ZMAT4: variants seen among roughly 807,000 people sequenced by gnomAD.
The protein encoded by ZMAT4 is zinc finger matrin-type 4, also known as zinc finger matrin-type protein 4.
In ZMAT4, 17 loss-of-function variants were observed where a neutral mutation model predicts 28.7. The observed-to-expected ratio is 0.59, with a 90% CI of 0.41 to 0.89. The LOEUF (loss-of-function observed/expected upper bound fraction) is 0.89. Among genes scored for constraint, ZMAT4 ranks in the 40% least tolerant of loss-of-function variants. The pLI is 0.00. For synonymous variants in ZMAT4, 117 were observed against 109.2 expected (o/e 1.07, Z -0.44); for missense variants, 240 against 283.8 (o/e 0.85, Z 1.11).
Position 40,560,632 on chromosome 8 carries a change from T to C in ZMAT4, c.674+20533A>G, listed in dbSNP as rs144990583. Among the ~76,000 whole-genome samples, 34 of 152,230 alleles carry C rather than the reference T, an allele frequency of 2.2e-4. No individual in the cohort carries two copies. The East Asian group carries it at 5.6e-3, about 25-fold the overall frequency. Reference sequence around the variant, plus strand: ...GAAGATCATGGTGGGAGGGCTGTCCTAATAGATTTGCCTGATAATATGAAT... The same window carrying C: ...GAAGATCATGGTGGGAGGGCTGTCCCAATAGATTTGCCTGATAATATGAAT... On this transcript the variant is annotated intron_variant, in intron 6 of 6. Transcript: ENST00000297737.
chr8:40,839,023 T>C (rs568041425), intron 1 of ZMAT4, among the ~76,000 whole-genome samples: 1 of 152,324 alleles, frequency 6.6e-6, no homozygotes, highest in Admixed American at 6.5e-5. Context: ...AAATGTACCC[T>C]GTACATAAAA....
intron 5 of ZMAT4, among the ~76,000 whole-genome samples, chr8:40,647,961 A>G (rs1807421777): frequency 6.6e-6 from 1 of 152,210 alleles, no homozygotes; most frequent in African/African-American, 2.4e-5. Context: ...AGATAAAACC[A>G]CAAAGATGGG....
chr8:40,763,633 G>A lies in ZMAT4; in HGVS notation c.192+4008C>T, dbSNP rs972705631. ...AAGACTAGGAATAGCATTTAGGGAA[G>A]CAGGATTTTAATCTCAGGTCTGACC... is the stretch of plus-strand genomic sequence containing the variant. On this transcript the variant is annotated intron_variant, in intron 3 of 6. Coordinates refer to ENST00000297737, the MANE Select transcript of ZMAT4 (RefSeq NM_024645.3). Among the ~76,000 whole-genome samples, 4 of 152,164 alleles carry A rather than the reference G, an allele frequency of 2.6e-5. No homozygotes were observed. The South Asian group carries it at 8.3e-4, about 32-fold the overall frequency.
chr8:40,547,151 C>T (rs143339318), intron 6 of ZMAT4, among the ~76,000 whole-genome samples: 136 of 152,302 alleles, frequency 8.9e-4, no homozygotes, highest in African/African-American at 2.9e-3. Context: ...GAACTCTTAG[C>T]GGGCTTGCGT....
chr8:40,590,661 C>T (rs1804861309), intron 5 of ZMAT4, among the ~76,000 whole-genome samples: 1 of 151,972 alleles, frequency 6.6e-6, no homozygotes, highest in African/African-American at 2.4e-5. Context: ...AGGACAGTCA[C>T]AGATCTTGTG....
intron 1 of ZMAT4, among the ~76,000 whole-genome samples, chr8:40,847,148 G>A (rs906666103): frequency 2.0e-5 from 3 of 150,752 alleles, no homozygotes; most frequent in Non-Finnish European, 4.4e-5. Flanking sequence ...AGGTTGCAGT[G>A]AGTCAAGATT....
intron 5 of ZMAT4, among the ~76,000 whole-genome samples, chr8:40,596,055 G>C (rs933726322): frequency 1.1e-4 from 16 of 152,148 alleles, no homozygotes; most frequent in African/African-American, 3.6e-4. Flanking sequence ...TCGTGCCATT[G>C]CAGTCCAGTC....
At chr8:40,678,512 C>G (rs1809004990) in intron 4 of ZMAT4, among the ~76,000 whole-genome samples, 2 of 152,200 alleles carry the variant, frequency 1.3e-5, no homozygotes, top group Admixed American at 6.5e-5. Flanking sequence ...CCACAAGATG[C>G]TACTGAATCC....
chr8:40,565,301 G>C (rs1009209168), intron 6 of ZMAT4, among the ~76,000 whole-genome samples: 7 of 151,488 alleles, frequency 4.6e-5, no homozygotes, highest in African/African-American at 1.7e-4. Flanking sequence ...TAATTTCCTT[G>C]GGTAAGTCCT....
chr8:40,547,712 A>C (rs1322652014), intron 6 of ZMAT4, among the ~76,000 whole-genome samples: 1 of 152,130 alleles, frequency 6.6e-6, no homozygotes. Flanking sequence ...GGTTTGCTGC[A>C]CCCATCAACC....
chr8:40,755,175 G>A (rs773098636), intron 3 of ZMAT4, among the ~76,000 whole-genome samples: 36 of 152,312 alleles, frequency 2.4e-4, no homozygotes, highest in Admixed American at 7.8e-4. Flanking sequence ...AAACTCGGGG[G>A]TTTGAAATGA....
At chr8:40,826,025 G>A (rs1278014714) in intron 1 of ZMAT4, among the ~76,000 whole-genome samples, 1 of 152,316 alleles carries the variant, frequency 6.6e-6, no homozygotes, top group Non-Finnish European at 1.5e-5. Context: ...TTGGGAGGCC[G>A]AGGTGGGAGC....
intron 1 of ZMAT4, among the ~76,000 whole-genome samples, chr8:40,881,590 GAAAGAA>G (rs1818268514): frequency 2.0e-5 from 2 of 100,710 alleles, no homozygotes; most frequent in Non-Finnish European, 4.2e-5. Flanking sequence ...AAGAAAGAAA[GAAAGAA>G]AGAAAAGAAA....
chr8:40,788,746 T>C (rs1288415809), intron 2 of ZMAT4, among the ~76,000 whole-genome samples: 1 of 149,108 alleles, frequency 6.7e-6, no homozygotes, highest in Admixed American at 6.7e-5. Context: ...TATTCTGATA[T>C]CAAAAACAAG....
At chr8:40,812,161 T>C (rs1467739356) in intron 2 of ZMAT4, among the ~76,000 whole-genome samples, 1 of 152,014 alleles carries the variant, frequency 6.6e-6, no homozygotes, top group African/African-American at 2.4e-5. Context: ...AATACATGCC[T>C]ACATACACTG....
chr8:40,622,667 T>C (rs1002577024), intron 5 of ZMAT4, among the ~76,000 whole-genome samples: 2 of 152,176 alleles, frequency 1.3e-5, no homozygotes, highest in African/African-American at 4.8e-5. Context: ...CAGCATCTGC[T>C]CCTGGTGAGG....
At chr8:40,532,310 C>G (rs181530582) in intron 6 of ZMAT4, 72 bp from the exon 7 acceptor site, 8 of 1,359,346 alleles carry the variant, frequency 5.9e-6, no homozygotes, top group Non-Finnish European at 8.1e-6. Context: ...TTCTCCCCCC[C>G]ACCCCCTGTC....
At chr8:40,791,952 G>A (rs1814343836) in intron 2 of ZMAT4, among the ~76,000 whole-genome samples, 1 of 152,186 alleles carries the variant, frequency 6.6e-6, no homozygotes, top group Non-Finnish European at 1.5e-5. Flanking sequence ...GTCCGGGTGG[G>A]TTGCTTCAAA....
chr8:40,560,382 T>A (rs1803696703), intron 6 of ZMAT4, among the ~76,000 whole-genome samples: 1 of 152,028 alleles, frequency 6.6e-6, no homozygotes, highest in Non-Finnish European at 1.5e-5. Flanking sequence ...ATTTTATTCA[T>A]CAATGCTTTT....
Sources: gnomAD v4.1 joint callset for allele counts (sites outside exome capture counted in the v4.1 genomes callset) on GRCh38, gnomAD v4.1.1 for gene constraint, MANE v1.5 for transcripts, NCBI Gene and HGNC (gene_info 2026-07-23, HGNC 2026-07-21) for gene names.